STK39: variants seen among roughly 807,000 people sequenced by gnomAD.
STK39 encodes STE20/SPS1-related proline-alanine-rich protein kinase.
STK39 carries 20 observed loss-of-function variants against 77.8 expected under a neutral mutation model. The observed-to-expected ratio is 0.26, with a 90% CI of 0.18 to 0.37. STK39 has a LOEUF of 0.37. Among genes scored for constraint, STK39 ranks in the 10% least tolerant of loss-of-function variants. The pLI is 1.00. For missense variants in STK39, 479 were observed against 656.5 expected, an observed-to-expected ratio of 0.73 and a Z score of 2.95; for synonymous variants, 246 against 234.1, an observed-to-expected ratio of 1.05 and a Z score of -0.47.
At chr2:168,229,170 CCAGCCTGGCCAAGATAT>C (rs1690383296) in intron 1 of STK39, among the ~76,000 whole-genome samples, 1 of 152,028 alleles carries the variant, frequency 6.6e-6, no homozygotes, top group Admixed American at 6.6e-5. Context: ...GAGTTTGAGA[CCAGCCTGGCCAAGATAT>C]CAGCCTGGCC....
chr2:168,221,369 T>G (rs115900196), intron 1 of STK39, among the ~76,000 whole-genome samples: 1 of 149,182 alleles, frequency 6.7e-6, no homozygotes, highest in Non-Finnish European at 1.5e-5. Flanking sequence ...CACACACACT[T>G]ACATGTATAT....
At chr2:167,992,325 C>G (rs1683722387) in intron 16 of STK39, among the ~76,000 whole-genome samples, 4 of 151,952 alleles carry the variant, frequency 2.6e-5, no homozygotes, top group African/African-American at 9.7e-5. Flanking sequence ...CCAACCTGCC[C>G]CCCAACAACA....
At chr2:168,017,965 T>C (rs184507123) in intron 14 of STK39, among the ~76,000 whole-genome samples, 1 of 152,222 alleles carries the variant, frequency 6.6e-6, no homozygotes, top group African/African-American at 2.4e-5. Flanking sequence ...TAAGTAAATG[T>C]AAAGGCTTAC....
chr2:168,056,359 G>A (rs1428349532), intron 14 of STK39, among the ~76,000 whole-genome samples: 1 of 152,080 alleles, frequency 6.6e-6, no homozygotes, highest in Non-Finnish European at 1.5e-5. Flanking sequence ...GGGGCGTGCA[G>A]TGAGGAAGGA....
intron 16 of STK39, among the ~76,000 whole-genome samples, chr2:168,003,887 GAA>G (rs1468470318): frequency 6.6e-6 from 1 of 152,188 alleles, no homozygotes; most frequent in African/African-American, 2.4e-5. Context: ...CAATATCAGT[GAA>G]TATCACAGCA....
rs139443450 is a variant in STK39, at chr2:168,206,290, T to C, written c.209-24200A>G. On this transcript the variant is annotated intron_variant, in intron 1 of 17. Coordinates refer to ENST00000355999, the MANE Select transcript of STK39 (RefSeq NM_013233.3). Reference sequence around the variant, plus strand: ...CAGCAGAAACAAGATCCAGACTCTTTTTCTTTTCTTTCTTTTTTTTTTTTT... The same window carrying C: ...CAGCAGAAACAAGATCCAGACTCTTCTTCTTTTCTTTCTTTTTTTTTTTTT... Among the ~76,000 whole-genome samples the C allele has an allele frequency of 2.7e-3, 406 of 151,812 alleles. 2 individuals are homozygous for C. Among genetic ancestry groups the C allele is most frequent in the Non-Finnish European group, 4.6e-3 (315 of 67,956 alleles).
At position 168,184,561 on chromosome 2, in the gene STK39, G is replaced by A. The variant is rs970954552; in HGVS notation, c.209-2471C>T. Among the ~76,000 whole-genome samples the A allele has an allele frequency of 9.9e-5, 15 of 152,252 alleles. No individual in the cohort carries two copies. In the South Asian group the frequency reaches 3.1e-3, roughly 32 times the overall value. On this transcript the variant is annotated intron_variant, in intron 1 of 17. Coordinates refer to ENST00000355999, the MANE Select transcript of STK39 (RefSeq NM_013233.3). ...CCCTCACTTTATGAATGAGAAAACA[G>A]GGTCCTGTGAAGGATAGGGATGTGT...
intron 10 of STK39, among the ~76,000 whole-genome samples, chr2:168,111,233 T>C (rs1687113098): frequency 6.6e-6 from 1 of 152,190 alleles, no homozygotes; most frequent in Non-Finnish European, 1.5e-5. Flanking sequence ...TTTCACTAAT[T>C]TTTGTTATTC....
chr2:167,998,725 C>T (rs2105293665), intron 16 of STK39, among the ~76,000 whole-genome samples: 1 of 152,302 alleles, frequency 6.6e-6, no homozygotes, highest in African/African-American at 2.4e-5. Flanking sequence ...TGCAGTCCTC[C>T]TGGCCCCCAA....
intron 10 of STK39, among the ~76,000 whole-genome samples, chr2:168,116,115 G>A (rs1357139532): frequency 6.6e-6 from 1 of 152,112 alleles, no homozygotes; most frequent in African/African-American, 2.4e-5. Flanking sequence ...TATGGTCCCA[G>A]CTTCCTGACC....
At chr2:168,092,401 G>A (rs1686548074) in intron 10 of STK39, among the ~76,000 whole-genome samples, 2 of 152,216 alleles carry the variant, frequency 1.3e-5, no homozygotes, top group Admixed American at 1.3e-4. Context: ...CATACTAACA[G>A]AAGACTGCTA....
intron 1 of STK39, among the ~76,000 whole-genome samples, chr2:168,241,804 G>T (rs1341076075): frequency 6.6e-6 from 1 of 152,188 alleles, no homozygotes; most frequent in Non-Finnish European, 1.5e-5. Context: ...TGCCAGGCAC[G>T]ATTCTCAGTG....
At chr2:168,048,550 G>A (rs1045772451) in intron 14 of STK39, among the ~76,000 whole-genome samples, 2 of 151,658 alleles carry the variant, frequency 1.3e-5, no homozygotes, top group African/African-American at 2.4e-5. Flanking sequence ...GTAAATTCAT[G>A]TTCTTGTCTC....
chr2:168,172,538 G>T (rs1301440170), intron 2 of STK39, among the ~76,000 whole-genome samples: 3 of 152,144 alleles, frequency 2.0e-5, no homozygotes, highest in Non-Finnish European at 2.9e-5. Flanking sequence ...TATGCAAAGG[G>T]TTCAGAACAA....
intron 14 of STK39, among the ~76,000 whole-genome samples, chr2:168,020,633 T>C (rs1334671349): frequency 1.3e-5 from 2 of 150,508 alleles, no homozygotes; most frequent in East Asian, 1.9e-4. Context: ...ATATATTATA[T>C]ATAATTAAAT....
chr2:168,232,018 G>T (rs960364432), intron 1 of STK39: 3 of 243,442 alleles, frequency 1.2e-5, no homozygotes, highest in South Asian at 7.5e-5. Flanking sequence ...CTATTCTCCT[G>T]GATGGTGCAC....
At chr2:167,983,082 T>A (rs1230262114) in intron 16 of STK39, among the ~76,000 whole-genome samples, 1 of 152,224 alleles carries the variant, frequency 6.6e-6, no homozygotes, top group Admixed American at 6.5e-5. Context: ...CCTAGCAGCA[T>A]ATTTTTGTTG....
chr2:168,082,229 T>C (rs1686253427), intron 10 of STK39, among the ~76,000 whole-genome samples: 1 of 152,176 alleles, frequency 6.6e-6, no homozygotes, highest in South Asian at 2.1e-4. Context: ...TAAATATGCT[T>C]AAGTCTCTCT....
At chr2:168,236,606 T>G (rs1375128584) in intron 1 of STK39, among the ~76,000 whole-genome samples, 1 of 152,242 alleles carries the variant, frequency 6.6e-6, no homozygotes, top group Non-Finnish European at 1.5e-5. Context: ...AAGTCTTTAA[T>G]CCATCTTGAA....
Sources: allele counts gnomAD v4.1 joint callset (sites outside exome capture counted in the v4.1 genomes callset), GRCh38; gene constraint gnomAD v4.1.1; transcripts MANE v1.5; gene names NCBI Gene and HGNC (gene_info 2026-07-23, HGNC 2026-07-21).